Variants in TVP23A observed in about 807,000 individuals in gnomAD.
TVP23A encodes the protein trans-golgi network vesicle protein 23 homolog A, also known as Golgi apparatus membrane protein TVP23 homolog A.
In TVP23A, 21 loss-of-function variants were observed where a neutral mutation model predicts 31.7. That is an observed-to-expected ratio of 0.66 (90% CI 0.47 to 0.95). TVP23A has a LOEUF of 0.95. Ranked by LOEUF, TVP23A falls within the 40% of genes least tolerant of loss-of-function variation. The probability of loss-of-function intolerance (pLI) is 0.00; values close to 1 mark genes in which losing one functional copy is unlikely to be tolerated. For missense variants in TVP23A, 279 were observed against 255.6 expected (o/e 1.09, Z -0.62); for synonymous variants, 104 against 96.0 (o/e 1.08, Z -0.49).
At chr16:10,817,632 C>G (rs2034501010) in intron 2 of TVP23A, among the ~76,000 whole-genome samples, 1 of 152,210 alleles carries the variant, frequency 6.6e-6, no homozygotes, top group Non-Finnish European at 1.5e-5. Flanking sequence ...AGCTTGCTCC[C>G]CTCTGGCCTC....
chr16:10,809,856 T>C (rs1383486875), intron 2 of TVP23A, among the ~76,000 whole-genome samples: 1 of 152,156 alleles, frequency 6.6e-6, no homozygotes. Context: ...AGAGTTACCA[T>C]GTGGCCCAGC....
At chr16:10,787,148 C>G (rs1337131734) in intron 2 of TVP23A, among the ~76,000 whole-genome samples, 1 of 152,176 alleles carries the variant, frequency 6.6e-6, no homozygotes, top group East Asian at 1.9e-4. Flanking sequence ...TCCAGCCCCA[C>G]GCTCCTGCTC....
Position 10,768,052 on chromosome 16 carries a change from C to G in TVP23A, c.*1050G>C. ...TTCAGAGTAAGTATTTCCATGAGTA[C>G]TAAATGCAGATGCCTGTGGGGCAGG... is the stretch of plus-strand genomic sequence containing the variant. On this transcript the variant is annotated 3_prime_UTR_variant, in exon 8 of 8. Transcript: ENST00000299866. This position sits in a 1 kb window ranked among gnomAD's most constrained non-coding sequence, Gnocchi z 4.3. 6.2e-7 allele frequency: 1 copy of G among 1,609,274 alleles called. No individual in the cohort carries two copies. The highest frequency in any genetic ancestry group is 8.5e-7 in the Non-Finnish European group (1 of 1,175,876).
At chr16:10,760,598 A>G (rs1084545), downstream of TVP23A, among the ~76,000 whole-genome samples, 114,385 of 152,058 alleles carry the variant, frequency 0.75, 43,121 homozygotes, top group South Asian at 0.85. Flanking sequence ...TTAGCCAGGC[A>G]GAGTAGCACA....
At chr16:10,817,222 T>G (rs2034483587) in intron 2 of TVP23A, among the ~76,000 whole-genome samples, 1 of 152,238 alleles carries the variant, frequency 6.6e-6, no homozygotes, top group Admixed American at 6.5e-5. Flanking sequence ...AAGATGATAA[T>G]GGTAATTTGT....
intron 2 of TVP23A, among the ~76,000 whole-genome samples, chr16:10,810,921 A>G (rs570505935): frequency 5.9e-5 from 9 of 152,320 alleles, no homozygotes; most frequent in Non-Finnish European, 1.2e-4. Context: ...AGTCTCCAAA[A>G]TTGCATGAAT....
intron 2 of TVP23A, among the ~76,000 whole-genome samples, chr16:10,800,804 C>T (rs185686016): frequency 6.6e-6 from 1 of 152,000 alleles, no homozygotes; most frequent in East Asian, 1.9e-4. Flanking sequence ...GGCAACATGG[C>T]GAAACCCCAT....
intron 2 of TVP23A, among the ~76,000 whole-genome samples, chr16:10,793,017 G>A (rs1485412807): frequency 6.6e-6 from 1 of 152,198 alleles, no homozygotes; most frequent in Admixed American, 6.6e-5. Flanking sequence ...AGCAGGGCAT[G>A]GTGGCTCCTG....
chr16:10,781,850 CTTTTTTTTT>C (rs144933462), intron 2 of TVP23A, among the ~76,000 whole-genome samples: 12 of 90,936 alleles, frequency 1.3e-4, no homozygotes, highest in African/African-American at 6.3e-4. Flanking sequence ...CTAACACAAT[CTTTTTTTTT>C]TTTTTTTTTT....
rs1485261596 is a variant in TVP23A, at chr16:10,768,069, T to C, written c.*1033A>G. On this transcript the variant is annotated 3_prime_UTR_variant, in exon 8 of 8. Coordinates refer to ENST00000299866, the MANE Select transcript of TVP23A (RefSeq NM_001079512.4). The surrounding 1 kb of genome is among the most constrained non-coding windows in gnomAD (Gnocchi z 4.3). ...CATGAGTACTAAATGCAGATGCCTG[T>C]GGGGCAGGAAGCAACATAAAGGAGC... 6.3e-7 allele frequency: 1 copy of C among 1,595,764 alleles called. No individual in the cohort carries two copies. Among genetic ancestry groups the C allele is most frequent in the Non-Finnish European group, 8.6e-7 (1 of 1,164,338 alleles).
chr16:10,770,164 C>T, intron 7 of TVP23A, 108 bp downstream of exon 7: 2 of 1,401,456 alleles, frequency 1.4e-6, no homozygotes, highest in Non-Finnish European at 1.9e-6. Context: ...CCTGGCCACC[C>T]CAGGGAACAG....
rs374573526 is a variant in TVP23A at position 10,774,033 on chromosome 16, G to C, written c.324+6C>G. On this transcript the variant is annotated splice_donor_region_variant and intron_variant, in intron 4 of 7. Coordinates refer to ENST00000299866, the MANE Select transcript of TVP23A (RefSeq NM_001079512.4). ...TCTGGTTAGTTCAGCTCGTCATGGA[G>C]AATACCTTCCTGGCTTCAAAGATCC... 6.3e-5 allele frequency: 102 copies of C among 1,607,892 alleles called. No individual in the cohort carries two copies. The Middle Eastern group carries it at 1.2e-3, about 18-fold the overall frequency.
chr16:10,810,174 A>C (rs1377898298), intron 2 of TVP23A, among the ~76,000 whole-genome samples: 1 of 152,214 alleles, frequency 6.6e-6, no homozygotes, highest in African/African-American at 2.4e-5. Flanking sequence ...GACTGGGCTA[A>C]GGGATACCCA....
At position 10,779,145 on chromosome 16, in the gene TVP23A, T is replaced by G. The variant is rs1042570819; in HGVS notation, c.90-4049A>C. Among the ~76,000 whole-genome samples the G allele has an allele frequency of 6.6e-6, 1 of 152,204 alleles. No individual in the cohort carries two copies. The highest frequency in any genetic ancestry group is 1.5e-5 in the Non-Finnish European group (1 of 68,036). On this transcript the variant is annotated intron_variant, in intron 2 of 7. Coordinates refer to ENST00000299866, the MANE Select transcript of TVP23A (RefSeq NM_001079512.4). This position sits in a 1 kb window ranked among gnomAD's most constrained non-coding sequence, Gnocchi z 4.9. ...ATTTCCAGTTGTTGATAGCTTCCAC[T>G]TAGCTGGGCCCTGATTAACTCAATG...
At position 10,818,219 on chromosome 16, in the gene TVP23A, A is replaced by ACGG; in HGVS notation, c.10-40_10-38dup. On this transcript the variant is annotated intron_variant, in intron 1 of 7. Transcript: ENST00000299866. The surrounding 1 kb of genome is among the most constrained non-coding windows in gnomAD (Gnocchi z 4.7). ...GCAAGGGCAGGTGGCAGGCCCAAGC[A>ACGG]CGGCGCACACCCCAACCCCACCCGC... The ACGG allele has an allele frequency of 6.5e-7, 1 of 1,539,210 alleles. No individual in the cohort carries two copies. Among genetic ancestry groups the ACGG allele is most frequent in the Non-Finnish European group, 8.8e-7 (1 of 1,131,566 alleles).
chr16:10,761,033 G>C (rs2142745728), downstream of TVP23A: 3 of 233,114 alleles, frequency 1.3e-5, no homozygotes, highest in South Asian at 1.8e-4. Flanking sequence ...GCAGCAGTGA[G>C]AGAGAGAGTG....
intron 2 of TVP23A, among the ~76,000 whole-genome samples, chr16:10,813,560 A>G (rs1471883940): frequency 6.6e-6 from 1 of 152,214 alleles, no homozygotes; most frequent in Non-Finnish European, 1.5e-5. Flanking sequence ...CATGGACAAC[A>G]TAGCAAGACT....
chr16:10,813,999 C>CAAAA lies in TVP23A; in HGVS notation c.89+4100_89+4103dup, dbSNP rs201277067. Reference sequence around the variant, plus strand: ...GGGCAAAAAGAGTGAAACTCCATCTCAAAAAAAAAAAAAAAAAAAAAAAAA... The same window carrying CAAAA: ...GGGCAAAAAGAGTGAAACTCCATCTCAAAAAAAAAAAAAAAAAAAAAAAAAAAAA... On this transcript the variant is annotated intron_variant, in intron 2 of 7. Transcript: ENST00000299866. Among the ~76,000 whole-genome samples the CAAAA allele has an allele frequency of 2.2e-3, 111 of 49,474 alleles. 4 individuals carry two copies. The highest frequency in any genetic ancestry group is 2.6e-3 in the South Asian group (2 of 768). The allele number at this position is 49,474 out of a possible 152,430, so 32.5% of individuals were successfully genotyped here.
chr16:10,799,410 T>C (rs888478067), intron 2 of TVP23A, among the ~76,000 whole-genome samples: 4 of 152,200 alleles, frequency 2.6e-5, no homozygotes, highest in Admixed American at 2.0e-4. Context: ...CTTGGCTCAC[T>C]GCAACCTCCG....
Sources: allele counts gnomAD v4.1 joint callset (sites outside exome capture counted in the v4.1 genomes callset), GRCh38; gene constraint gnomAD v4.1.1; non-coding constraint Gnocchi (gnomAD v3.1); transcripts MANE v1.5; gene names NCBI Gene and HGNC (gene_info 2026-07-23, HGNC 2026-07-21).